The following MCTP1 variants were observed in gnomAD, a reference collection of about 807,000 sequenced individuals.
The protein encoded by MCTP1 is multiple C2 and transmembrane domain containing 1, also known as multiple C2 and transmembrane domain-containing protein 1.
MCTP1 carries 69 observed loss-of-function variants against 120.6 expected under a neutral mutation model. That is an observed-to-expected ratio of 0.57 (90% confidence interval 0.47 to 0.70). The LOEUF (loss-of-function observed/expected upper bound fraction) is 0.70. Among genes scored for constraint, MCTP1 ranks in the 30% least tolerant of loss-of-function variants. The probability of loss-of-function intolerance (pLI) is 0.00; values close to 1 mark genes in which losing one functional copy is unlikely to be tolerated. For synonymous variants in MCTP1, 529 were observed against 493.1 expected, an observed-to-expected ratio of 1.07 and a Z score of -0.96; for missense variants, 1,203 against 1,248.8, an observed-to-expected ratio of 0.96 and a Z score of 0.55.
chr5:95,038,824 C>T (rs1311677372), intron 1 of MCTP1, among the ~76,000 whole-genome samples: 1 of 152,184 alleles, frequency 6.6e-6, no homozygotes, highest in African/African-American at 2.4e-5. Flanking sequence ...ACACATTAGG[C>T]TATAAGTCAT....
At chr5:94,714,967 C>T (rs1353372688) in intron 19 of MCTP1, 81 bp from the exon 20 acceptor site, 1 of 817,702 alleles carries the variant, frequency 1.2e-6, no homozygotes, top group Admixed American at 2.1e-5. Flanking sequence ...CCCTCTGTTA[C>T]ATTTTTAAAC....
At chr5:95,004,900 T>G (rs1023664752) in intron 2 of MCTP1, among the ~76,000 whole-genome samples, 1 of 152,090 alleles carries the variant, frequency 6.6e-6, no homozygotes, top group Admixed American at 6.5e-5. Context: ...AATGGAGCTG[T>G]GAGGAGAGGG....
At chr5:94,841,781 C>CTAGATGTTAAAA (rs1204641775) in intron 17 of MCTP1, among the ~76,000 whole-genome samples, 2 of 152,166 alleles carry the variant, frequency 1.3e-5, no homozygotes, top group African/African-American at 2.4e-5. Context: ...GTTAAAATGT[C>CTAGATGTTAAAA]TGTCATCCAT....
chr5:94,915,630 T>A (rs1644537271), intron 8 of MCTP1, among the ~76,000 whole-genome samples: 1 of 152,120 alleles, frequency 6.6e-6, no homozygotes, highest in Admixed American at 6.5e-5. Flanking sequence ...AAATAGTGCC[T>A]TCCTTGCTTG....
chr5:95,233,639 T>C (rs940784938), intron 1 of MCTP1, among the ~76,000 whole-genome samples: 4 of 152,180 alleles, frequency 2.6e-5, no homozygotes, highest in African/African-American at 7.2e-5. Context: ...CTAAATGACA[T>C]ACTTCTAAAT....
chr5:94,743,883 TC>T (rs567774000), intron 19 of MCTP1, among the ~76,000 whole-genome samples: 122 of 152,074 alleles, frequency 8.0e-4, no homozygotes, highest in African/African-American at 2.8e-3. Flanking sequence ...TTGTGATCTG[TC>T]CACCTCGGTC....
At chr5:95,033,847 G>T (rs1326639830) in intron 1 of MCTP1, among the ~76,000 whole-genome samples, 1 of 152,046 alleles carries the variant, frequency 6.6e-6, no homozygotes, top group Non-Finnish European at 1.5e-5. Context: ...AAGGTTCCTA[G>T]ACCTGATAAA....
chr5:94,867,232 C>T, intron 17 of MCTP1: 1 of 1,424,398 alleles, frequency 7.0e-7, no homozygotes, highest in Middle Eastern at 1.8e-4. Flanking sequence ...TTTTCTAAAA[C>T]TTAACGATAA....
intron 1 of MCTP1, among the ~76,000 whole-genome samples, chr5:95,278,927 A>C (rs548474488): frequency 1.0e-3 from 155 of 150,840 alleles, no homozygotes; most frequent in South Asian, 4.4e-3. Context: ...GCACCATTGC[A>C]CTCCAGCCTG....
intron 1 of MCTP1, among the ~76,000 whole-genome samples, chr5:95,279,877 T>G (rs1224573019): frequency 6.6e-6 from 1 of 152,196 alleles, no homozygotes; most frequent in East Asian, 1.9e-4. Flanking sequence ...CTCTCTCACT[T>G]TCAATATGAA....
intron 1 of MCTP1, among the ~76,000 whole-genome samples, chr5:95,226,625 C>T (rs1314066233): frequency 1.3e-5 from 2 of 151,912 alleles, no homozygotes; most frequent in Non-Finnish European, 2.9e-5. Flanking sequence ...ATGGAGGGCT[C>T]CTTTCTCTAT....
chr5:95,109,321 T>C (rs897921230), intron 1 of MCTP1, among the ~76,000 whole-genome samples: 4 of 152,228 alleles, frequency 2.6e-5, no homozygotes, highest in Non-Finnish European at 5.9e-5. Flanking sequence ...TGAATATAAA[T>C]GCTGAGACAC....
intron 7 of MCTP1, among the ~76,000 whole-genome samples, chr5:94,919,676 C>T (rs17084284): frequency 0.034 from 5,121 of 152,224 alleles, 143 homozygotes; most frequent in African/African-American, 0.078. Flanking sequence ...GAGATAATGA[C>T]AGCCTAGAAT....
At chr5:94,797,159 A>G (rs947811272) in intron 18 of MCTP1, among the ~76,000 whole-genome samples, 2 of 152,140 alleles carry the variant, frequency 1.3e-5, no homozygotes, top group Non-Finnish European at 2.9e-5. Context: ...ATTATATATT[A>G]TTTTTCTTCC....
At chr5:94,807,403 G>A (rs1170012895) in intron 17 of MCTP1, among the ~76,000 whole-genome samples, 1 of 152,158 alleles carries the variant, frequency 6.6e-6, no homozygotes, top group African/African-American at 2.4e-5. Context: ...AGAGAGCTGG[G>A]TAAAGTGAGA....
At chr5:94,880,334 T>G (rs1016351908) in intron 12 of MCTP1, among the ~76,000 whole-genome samples, 1 of 152,142 alleles carries the variant, frequency 6.6e-6, no homozygotes, top group Non-Finnish European at 1.5e-5. Context: ...TAGACCTTCC[T>G]GCAGAAAAGC....
intron 2 of MCTP1, among the ~76,000 whole-genome samples, chr5:95,001,863 T>C (rs1833783247): frequency 6.6e-6 from 1 of 151,926 alleles, no homozygotes; most frequent in South Asian, 2.1e-4. Context: ...ACGAAGACAA[T>C]GGGGAAATGT....
intron 1 of MCTP1, among the ~76,000 whole-genome samples, chr5:95,186,819 T>G (rs1360313002): frequency 1.3e-5 from 2 of 152,200 alleles, no homozygotes; most frequent in African/African-American, 2.4e-5. Flanking sequence ...GATCTATTCC[T>G]AGATCCATCC....
Position 95,260,338 on chromosome 5 carries a change from A to T in MCTP1, c.720+23518T>A, listed in dbSNP as rs544985548. ...GTCTATTCCTATATGTTAGTTATTT[A>T]AAAAAATAGACAATTGCAAAAACAA... On this transcript the variant is annotated intron_variant, in intron 1 of 22. Coordinates refer to ENST00000515393, the MANE Select transcript of MCTP1 (RefSeq NM_024717.7). 7.9e-5 allele frequency among the ~76,000 whole-genome samples: 12 copies of T among 152,254 alleles called. No homozygotes were observed. The East Asian group carries it at 1.7e-3, about 22-fold the overall frequency.
Sources: allele counts gnomAD v4.1 joint callset (sites outside exome capture counted in the v4.1 genomes callset), GRCh38; gene constraint gnomAD v4.1.1; transcripts MANE v1.5; gene names NCBI Gene and HGNC (gene_info 2026-07-23, HGNC 2026-07-21).